The following TPM4 variants were observed in gnomAD, a reference collection of about 807,000 sequenced individuals.
TPM4 encodes tropomyosin 4.
TPM4 carries 17 observed loss-of-function variants against 35.8 expected under a neutral mutation model. The observed-to-expected ratio is 0.47, with a 90% CI of 0.32 to 0.71. TPM4 has a LOEUF of 0.71. TPM4 is among the 30% of genes least tolerant of loss of function. TPM4 has a pLI of 0.03. For missense variants in TPM4, 240 were observed against 320.9 expected (o/e 0.75, Z 1.93); for synonymous variants, 120 against 122.9 (o/e 0.98, Z 0.15).
upstream of TPM4, among the ~76,000 whole-genome samples, chr19:16,072,275 G>A (rs2090363096): frequency 6.6e-6 from 1 of 152,218 alleles, no homozygotes; most frequent in Non-Finnish European, 1.5e-5. Flanking sequence ...GAGGGAGACA[G>A]ACCATGAATA....
At chr19:16,092,533 T>C (rs1301306000) in intron 5 of TPM4, among the ~76,000 whole-genome samples, 1 of 142,968 alleles carries the variant, frequency 7.0e-6, no homozygotes, top group Non-Finnish European at 1.5e-5. Context: ...CTCTGCCTAC[T>C]TTTTTTTTTT....
intron 7 of TPM4, chr19:16,100,568 C>T (rs1204814368): frequency 1.3e-5 from 2 of 152,256 alleles, no homozygotes; most frequent in Non-Finnish European, 2.9e-5. Flanking sequence ...CACCTGTATT[C>T]CCAGCACTTT....
intron 5 of TPM4, among the ~76,000 whole-genome samples, chr19:16,091,287 A>G (rs2090623467): frequency 6.6e-6 from 1 of 152,046 alleles, no homozygotes; most frequent in African/African-American, 2.4e-5. Context: ...CCTGACCTCA[A>G]GTGATCCACC....
chr19:16,083,757 C>CTTTT (rs573965261), intron 2 of TPM4, among the ~76,000 whole-genome samples: 9 of 120,636 alleles, frequency 7.5e-5, no homozygotes, highest in African/African-American at 2.0e-4. Context: ...AGATTCATTT[C>CTTTT]TTTTTTTTTT....
At chr19:16,096,962 T>TTTTTTTTC (rs2090707138) in intron 7 of TPM4, among the ~76,000 whole-genome samples, 1 of 90,574 alleles carries the variant, frequency 1.1e-5, no homozygotes, top group Non-Finnish European at 2.4e-5. Context: ...TTTTTTTTTT[T>TTTTTTTTC]TTTTTTTTCA....
chr19:16,079,610 C>T (rs930968823), intron 1 of TPM4: 1 of 223,704 alleles, frequency 4.5e-6, no homozygotes, highest in Non-Finnish European at 8.9e-6. Flanking sequence ...ACCTTCCTGA[C>T]TCTATTTGTG....
At chr19:16,096,242 T>C (rs919253545) in intron 7 of TPM4, among the ~76,000 whole-genome samples, 27 of 152,170 alleles carry the variant, frequency 1.8e-4, no homozygotes, top group Non-Finnish European at 3.4e-4. Context: ...TTTGTACTTT[T>C]TGTAGAAGCG....
At chr19:16,083,640 TG>T (rs1165439352) in intron 2 of TPM4, among the ~76,000 whole-genome samples, 1 of 152,060 alleles carries the variant, frequency 6.6e-6, no homozygotes, top group African/African-American at 2.4e-5. Context: ...GTTCCTTGTG[TG>T]GCAATGGTGT....
chr19:16,069,515 G>GAC (rs1282410813), intron 2 of TPM4, among the ~76,000 whole-genome samples: 10 of 394 alleles, frequency 0.025, 1 homozygote, highest in Non-Finnish European at 0.036. Context: ...ATGATTGTGT[G>GAC]TTTCTATTGG....
chr19:16,101,393 G>C lies in TPM4; in HGVS notation c.*47G>C. On this transcript the variant is annotated 3_prime_UTR_variant, in exon 8 of 8. Transcript: ENST00000643579. ...CCAACAGAAACTCTGGAGCTCCGTG[G>C]GTCTTTCTCTTCTCTTGTAAGAAGT... 2 of 1,425,838 alleles carry C rather than the reference G, an allele frequency of 1.4e-6. No homozygotes were observed. 88.3% of individuals were successfully genotyped at this position (1,425,838 alleles called of 1,614,324 possible).
Position 16,102,856 on chromosome 19 carries a change from CTATT to C in TPM4, c.*1515_*1518del, listed in dbSNP as rs1412402456. ...CCCACCCCACCCCACCACCCTACTC[CTATT>C]TATTCAGCACCACACTACCCAGGAA... On this transcript the variant is annotated 3_prime_UTR_variant, in exon 8 of 8. Transcript: ENST00000643579. 1 of 228,340 alleles carries C rather than the reference CTATT, an allele frequency of 4.4e-6. No homozygotes were observed. Among genetic ancestry groups the C allele is most frequent in the African/African-American group, 2.2e-5 (1 of 44,908 alleles). 14.1% of individuals were successfully genotyped at this position (228,340 alleles called of 1,614,324 possible). A position where few individuals can be genotyped will look rare whatever the true frequency, so the allele number is the denominator to read the frequency against.
chr19:16,075,806 TG>T (rs1194553919), upstream of TPM4: 3 of 532,436 alleles, frequency 5.6e-6, no homozygotes, highest in African/African-American at 3.9e-5. Flanking sequence ...CCTAGAGTAC[TG>T]GGGACCCCAA....
intron 1 of TPM4, among the ~76,000 whole-genome samples, chr19:16,079,406 T>G (rs759211553): frequency 1.2e-4 from 18 of 152,142 alleles, no homozygotes; most frequent in Non-Finnish European, 2.1e-4. Flanking sequence ...CTGAAGGTGG[T>G]AGGAGGAGTT....
chr19:16,082,281 G>T (rs181731224), intron 2 of TPM4, among the ~76,000 whole-genome samples: 1 of 152,314 alleles, frequency 6.6e-6, no homozygotes, highest in African/African-American at 2.4e-5. Flanking sequence ...GGCCAAGGCG[G>T]ACGGATCACC....
chr19:16,088,111 C>G lies in TPM4; in HGVS notation c.455+14C>G. The G allele has an allele frequency of 6.2e-7, 1 of 1,607,738 alleles. No individual in the cohort carries two copies. Reference sequence around the variant, plus strand: ...GGTGTCTGAACTGTGAGTGGCAGAACAGGACTGAGCGAGGCTGGCTCGATT... The same window carrying G: ...GGTGTCTGAACTGTGAGTGGCAGAAGAGGACTGAGCGAGGCTGGCTCGATT... On this transcript the variant is annotated intron_variant, in intron 4 of 7. Transcript: ENST00000643579.
intron 1 of TPM4, among the ~76,000 whole-genome samples, chr19:16,077,666 A>G (rs1236912012): frequency 6.6e-6 from 1 of 151,724 alleles, no homozygotes; most frequent in East Asian, 1.9e-4. Context: ...AGTAGGACTG[A>G]TAAGAATCCC....
intron 7 of TPM4, 84 bp downstream of exon 7, chr19:16,093,837 AG>A: frequency 2.0e-6 from 3 of 1,482,152 alleles, no homozygotes; most frequent in Non-Finnish European, 2.8e-6. Flanking sequence ...ATGTTTGTGG[AG>A]GGGCTGGGTT....
intron 2 of TPM4, among the ~76,000 whole-genome samples, chr19:16,068,873 G>A (rs547017428): frequency 3.9e-5 from 6 of 152,288 alleles, no homozygotes; most frequent in South Asian, 2.1e-4. Context: ...AAAAGAGTGC[G>A]GAGGGGTAAA....
At chr19:16,096,409 C>T (rs966561310) in intron 7 of TPM4, among the ~76,000 whole-genome samples, 7 of 152,290 alleles carry the variant, frequency 4.6e-5, no homozygotes, top group Middle Eastern at 3.4e-3. Context: ...AATGGAGGCT[C>T]ATCCTTGTAA....
Sources: allele counts gnomAD v4.1 joint callset (sites outside exome capture counted in the v4.1 genomes callset), GRCh38; gene constraint gnomAD v4.1.1; transcripts MANE v1.5; gene names NCBI Gene and HGNC (gene_info 2026-07-23, HGNC 2026-07-21).